CDH8: variants seen among roughly 807,000 people sequenced by gnomAD.
CDH8 encodes cadherin 8.
CDH8 carries 17 observed loss-of-function variants against 68.1 expected under a neutral mutation model. That is an observed-to-expected ratio of 0.25 (90% CI 0.17 to 0.37). The LOEUF (loss-of-function observed/expected upper bound fraction) is 0.37, where lower values mean the gene tolerates loss of function less well. CDH8 is among the 10% of genes least tolerant of loss of function. CDH8 has a pLI of 1.00. For synonymous variants in CDH8, 372 were observed against 365.1 expected, an observed-to-expected ratio of 1.02 and a Z score of -0.21; for missense variants, 763 against 999.3, an observed-to-expected ratio of 0.76 and a Z score of 3.19.
chr16:62,033,444 A>G (rs1902375605), intron 1 of CDH8, among the ~76,000 whole-genome samples: 1 of 152,226 alleles, frequency 6.6e-6, no homozygotes, highest in Non-Finnish European at 1.5e-5. Flanking sequence ...CAAGAACTCA[A>G]GAAATGCATC....
intron 3 of CDH8, among the ~76,000 whole-genome samples, chr16:61,871,814 GC>G (rs1411979348): frequency 1.1e-4 from 2 of 18,818 alleles, no homozygotes; most frequent in African/African-American, 3.9e-4. Flanking sequence ...TGTTCTATAT[GC>G]AAAAAAAAAA....
intron 4 of CDH8, among the ~76,000 whole-genome samples, chr16:61,829,446 A>G (rs1441289154): frequency 1.3e-5 from 2 of 151,876 alleles, no homozygotes; most frequent in Admixed American, 6.6e-5. Context: ...ACTCTGTCCA[A>G]GTGCCAAACA....
At chr16:61,945,722 A>G (rs1964792211) in intron 2 of CDH8, among the ~76,000 whole-genome samples, 1 of 152,198 alleles carries the variant, frequency 6.6e-6, no homozygotes, top group Admixed American at 6.5e-5. Context: ...CTATTTCAAG[A>G]CACTGAGGAG....
Position 61,962,503 on chromosome 16 carries a change from C to A in CDH8, c.252+58649G>T, listed in dbSNP as rs141375585. Among the ~76,000 whole-genome samples the A allele has an allele frequency of 2.1e-3, 318 of 152,282 alleles. 1 individual carries two copies. The highest frequency in any genetic ancestry group is 7.2e-3 in the African/African-American group (298 of 41,560). ...TGTACCATCACATGATCTGCATGAA[C>A]CTGCCCTTCGAAGAGAGTTCTGAGC... On this transcript the variant is annotated intron_variant, in intron 2 of 11. Coordinates refer to ENST00000577390, the MANE Select transcript of CDH8 (RefSeq NM_001796.5).
intron 10 of CDH8, chr16:61,692,121 G>A (rs868482618): frequency 9.2e-5 from 14 of 152,110 alleles, no homozygotes; most frequent in African/African-American, 3.4e-4. Flanking sequence ...GACACAACCA[G>A]GGAATTTGTG....
intron 8 of CDH8, among the ~76,000 whole-genome samples, chr16:61,756,530 T>A (rs1960324207): frequency 6.6e-6 from 1 of 152,114 alleles, no homozygotes; most frequent in Non-Finnish European, 1.5e-5. Context: ...TTATTCTGAA[T>A]AACTGGAAAT....
chr16:61,649,038 T>G lies in CDH8; in HGVS notation c.*4570A>C, dbSNP rs1963265736. On this transcript the variant is annotated 3_prime_UTR_variant, in exon 12 of 12. Transcript: ENST00000577390. ...ATACATTCAACACTGTTTGGCTGAGTAACAGTGCAAAGACACTTTTTATAG... is the reference window on the plus strand; with the variant it reads ...ATACATTCAACACTGTTTGGCTGAGGAACAGTGCAAAGACACTTTTTATAG... 1 of 152,006 alleles carries G rather than the reference T, an allele frequency of 6.6e-6. No homozygotes were observed. The highest frequency in any genetic ancestry group is 1.5e-5 in the Non-Finnish European group (1 of 67,936). 9.4% of individuals were successfully genotyped at this position (152,006 alleles called of 1,614,324 possible). A position where few individuals can be genotyped will look rare whatever the true frequency, so the allele number is the denominator to read the frequency against.
intron 8 of CDH8, among the ~76,000 whole-genome samples, chr16:61,768,322 C>CTGTG (rs1960654429): frequency 1.4e-4 from 10 of 70,044 alleles, no homozygotes; most frequent in Middle Eastern, 5.9e-3. Context: ...CTTTCTCTCT[C>CTGTG]TCTCTCTCTC....
rs1282390926 is a variant in CDH8 at position 61,647,976 on chromosome 16, T to C, written c.*5632A>G. 1.6e-6 allele frequency: 1 copy of C among 633,568 alleles called. No individual in the cohort carries two copies. The highest frequency in any genetic ancestry group is 2.8e-6 in the Non-Finnish European group (1 of 351,402). The allele number at this position is 633,568 out of a possible 1,614,324, so 39.2% of individuals were successfully genotyped here. A position where few individuals can be genotyped will look rare whatever the true frequency, so the allele number is the denominator to read the frequency against. Reference sequence around the variant, plus strand: ...TGCATTCAAGATGTGAATTAGATGGTGGCAGGTAACTCAAGTTGGGGAAAT... The same window carrying C: ...TGCATTCAAGATGTGAATTAGATGGCGGCAGGTAACTCAAGTTGGGGAAAT... On this transcript the variant is annotated 3_prime_UTR_variant, in exon 12 of 12. Transcript: ENST00000577390.
At chr16:61,871,854 A>G (rs1963375992) in intron 3 of CDH8, among the ~76,000 whole-genome samples, 1 of 148,210 alleles carries the variant, frequency 6.7e-6, no homozygotes, top group African/African-American at 2.5e-5. Context: ...AAAACCCAGA[A>G]ATCAGTAGCT....
intron 10 of CDH8, among the ~76,000 whole-genome samples, chr16:61,706,799 T>C (rs954621516): frequency 6.6e-6 from 1 of 152,164 alleles, no homozygotes; most frequent in African/African-American, 2.4e-5. Flanking sequence ...ATATTTAGCA[T>C]ACAAGACTTT....
At chr16:61,665,779 C>CCTTT (rs1963659032) in intron 10 of CDH8, among the ~76,000 whole-genome samples, 1 of 137,952 alleles carries the variant, frequency 7.2e-6, no homozygotes, top group African/African-American at 2.8e-5. Flanking sequence ...TTCCTTCCTT[C>CCTTT]CTTCCTTCCT....
chr16:61,754,340 G>T (rs1171255638), intron 8 of CDH8, among the ~76,000 whole-genome samples: 1 of 152,088 alleles, frequency 6.6e-6, no homozygotes, highest in Non-Finnish European at 1.5e-5. Flanking sequence ...GAGAAATAAT[G>T]ATTCATGTGT....
chr16:61,896,605 C>T (rs981065268), intron 3 of CDH8, among the ~76,000 whole-genome samples: 3 of 152,092 alleles, frequency 2.0e-5, no homozygotes, highest in African/African-American at 7.2e-5. Flanking sequence ...AGATATTCAC[C>T]TTCATGAGAA....
chr16:61,718,783 G>A (rs904721664), intron 9 of CDH8, among the ~76,000 whole-genome samples: 50 of 151,076 alleles, frequency 3.3e-4, no homozygotes, highest in African/African-American at 9.7e-5. Context: ...GGGAAAGGTC[G>A]TAGCTTTTAT....
intron 2 of CDH8, among the ~76,000 whole-genome samples, chr16:61,974,753 C>A (rs1965406170): frequency 6.6e-6 from 1 of 152,090 alleles, no homozygotes; most frequent in Non-Finnish European, 1.5e-5. Context: ...GCTATGACAT[C>A]CAAGATCGTA....
chr16:61,685,627 G>A (rs956311254), intron 10 of CDH8, among the ~76,000 whole-genome samples: 5 of 152,014 alleles, frequency 3.3e-5, no homozygotes, highest in Admixed American at 2.0e-4. Flanking sequence ...TTTTACATAA[G>A]AGTGAGGATG....
At chr16:61,997,059 GTTTT>G (rs528880963) in intron 2 of CDH8, among the ~76,000 whole-genome samples, 161 of 151,980 alleles carry the variant, frequency 1.1e-3, no homozygotes, top group African/African-American at 3.7e-3. Context: ...TCTGAGGAGT[GTTTT>G]TTTAAAAAAG....
chr16:61,760,642 A>G (rs948954378), intron 8 of CDH8, among the ~76,000 whole-genome samples: 2 of 152,248 alleles, frequency 1.3e-5, no homozygotes, highest in Non-Finnish European at 2.9e-5. Flanking sequence ...CCTCTCTTCT[A>G]AACTTGAAAT....
Sources: allele counts gnomAD v4.1 joint callset (sites outside exome capture counted in the v4.1 genomes callset), GRCh38; gene constraint gnomAD v4.1.1; transcripts MANE v1.5; gene names NCBI Gene and HGNC (gene_info 2026-07-23, HGNC 2026-07-21).